The following MCF2L2 variants were observed in gnomAD, a reference collection of about 807,000 sequenced individuals.
MCF2L2 encodes probable guanine nucleotide exchange factor MCF2L2.
In MCF2L2, 102 loss-of-function variants were observed where a neutral mutation model predicts 150.2. That is an observed-to-expected ratio of 0.68 (90% CI 0.58 to 0.80). MCF2L2 has a LOEUF of 0.80. MCF2L2 is among the 30% of genes least tolerant of loss of function. The pLI is 0.00. For missense variants in MCF2L2, 1,256 were observed against 1,372.8 expected, an observed-to-expected ratio of 0.91 and a Z score of 1.34; for synonymous variants, 465 against 491.3, an observed-to-expected ratio of 0.95 and a Z score of 0.71.
chr3:183,303,780 C>A (rs1728969572), intron 10 of MCF2L2, among the ~76,000 whole-genome samples: 1 of 152,224 alleles, frequency 6.6e-6, no homozygotes, highest in African/African-American at 2.4e-5. Context: ...TCCAACATAT[C>A]TTATTGTGTC....
intron 15 of MCF2L2, among the ~76,000 whole-genome samples, chr3:183,275,359 A>G (rs1727103424): frequency 6.6e-6 from 1 of 152,220 alleles, no homozygotes; most frequent in Admixed American, 6.5e-5. Flanking sequence ...AAAAAGGAAT[A>G]AGGAAATACA....
At chr3:183,345,609 C>CA (rs1393652013) in intron 3 of MCF2L2, among the ~76,000 whole-genome samples, 29 of 152,000 alleles carry the variant, frequency 1.9e-4, no homozygotes, top group African/African-American at 6.8e-4. Flanking sequence ...AAGAACCCTT[C>CA]AAAAAATCAA....
intron 10 of MCF2L2, among the ~76,000 whole-genome samples, chr3:183,306,878 C>G (rs149440517): frequency 1.3e-5 from 2 of 152,364 alleles, no homozygotes; most frequent in African/African-American, 4.8e-5. Context: ...GGTTCCTCCA[C>G]CCTGTCCTGG....
chr3:183,231,492 T>C (rs904641594), intron 15 of MCF2L2, among the ~76,000 whole-genome samples: 3 of 152,032 alleles, frequency 2.0e-5, no homozygotes, highest in Admixed American at 2.0e-4. Context: ...TCTTGCCCTG[T>C]TGCCCAGGAA....
In MCF2L2 at chr3:183,395,903, G is replaced by A. The variant is rs562019883; in HGVS notation, c.77-6124C>T. On this transcript the variant is annotated intron_variant, in intron 1 of 29. Transcript: ENST00000328913. ...ACTGCACTCCAGCCTGGGCAACAGCGCAAGACATCGTCTCAAAAAAAAAAA... is the reference window on the plus strand; with the variant it reads ...ACTGCACTCCAGCCTGGGCAACAGCACAAGACATCGTCTCAAAAAAAAAAA... Among the ~76,000 whole-genome samples the A allele has an allele frequency of 2.1e-4, 26 of 123,736 alleles. No homozygotes were observed. In the South Asian group the frequency reaches 2.3e-3, roughly 11 times the overall value. The allele number at this position is 123,736 out of a possible 152,430, so 81.2% of individuals were successfully genotyped here.
intron 3 of MCF2L2, among the ~76,000 whole-genome samples, chr3:183,352,907 G>A (rs1440892147): frequency 2.6e-5 from 4 of 152,148 alleles, no homozygotes; most frequent in Admixed American, 2.0e-4. Context: ...TGAAATATTT[G>A]TAGGCAAAAT....
At chr3:183,342,743 T>C (rs1267554489) in intron 3 of MCF2L2, among the ~76,000 whole-genome samples, 2 of 152,060 alleles carry the variant, frequency 1.3e-5, no homozygotes, top group Admixed American at 1.3e-4. Flanking sequence ...ATAAGCACTA[T>C]TATTCTTTCT....
intron 1 of MCF2L2, among the ~76,000 whole-genome samples, chr3:183,393,310 C>T (rs1714268899): frequency 6.6e-6 from 1 of 151,726 alleles, no homozygotes. Context: ...TCTCCTGCCT[C>T]AGCCTCCTGA....
At chr3:183,225,180 G>A (rs984387704) in intron 18 of MCF2L2, 1 of 152,228 alleles carries the variant, frequency 6.6e-6, no homozygotes, top group African/African-American at 2.4e-5. Context: ...TTGCTATAGT[G>A]GATGACTTCC....
rs780183264 is a variant in MCF2L2 at position 183,270,433 on chromosome 3, A to G, written c.1862+6439T>C. ...ATTGAGTACCTTCAAAGTTTAGAAC[A>G]AATTGGTGTTCAAGACTTTTGGATT... On this transcript the variant is annotated intron_variant, in intron 15 of 29. Coordinates refer to ENST00000328913, the MANE Select transcript of MCF2L2 (RefSeq NM_015078.4). This position sits in a 1 kb window ranked among gnomAD's most constrained non-coding sequence, Gnocchi z 4.5. 6.2e-7 allele frequency: 1 copy of G among 1,614,208 alleles called. No individual in the cohort carries two copies. The highest frequency in any genetic ancestry group is 8.5e-7 in the Non-Finnish European group (1 of 1,180,040).
At chr3:183,282,321 G>A (rs1246192236) in intron 14 of MCF2L2, among the ~76,000 whole-genome samples, 1 of 151,952 alleles carries the variant, frequency 6.6e-6, no homozygotes, top group South Asian at 2.1e-4. Context: ...TGGGACTACA[G>A]GCACCCGCCA....
rs959811292 is a variant in MCF2L2 at position 183,229,789 on chromosome 3, G to C, written c.1930-8C>G. On this transcript the variant is annotated splice_polypyrimidine_tract_variant and splice_region_variant and intron_variant, in intron 16 of 29. Coordinates refer to ENST00000328913, the MANE Select transcript of MCF2L2 (RefSeq NM_015078.4). ...CATTGGAGTGATATATCCCTGCAGAGGTGCAAACAAGGTAGGTGTTACAAA... is the reference window on the plus strand; with the variant it reads ...CATTGGAGTGATATATCCCTGCAGACGTGCAAACAAGGTAGGTGTTACAAA... 2 of 1,282,944 alleles carry C rather than the reference G, an allele frequency of 1.6e-6. No individual in the cohort carries two copies. Among genetic ancestry groups the C allele is most frequent in the Admixed American group, 1.9e-5 (1 of 53,776 alleles). The allele number at this position is 1,282,944 out of a possible 1,614,324, so 79.5% of individuals were successfully genotyped here.
intron 1 of MCF2L2, among the ~76,000 whole-genome samples, chr3:183,415,491 G>A (rs1327546332): frequency 3.3e-5 from 5 of 152,030 alleles, no homozygotes; most frequent in African/African-American, 1.2e-4. Flanking sequence ...CCGGCCAATA[G>A]TTGAATTTTC....
At chr3:183,255,896 CTTTT>C (rs1393679573) in intron 15 of MCF2L2, among the ~76,000 whole-genome samples, 22 of 151,874 alleles carry the variant, frequency 1.4e-4, no homozygotes, top group Middle Eastern at 3.4e-3. Context: ...AATGGGTCAT[CTTTT>C]AAAATGGGTC....
chr3:183,382,515 A>G (rs1488847711), intron 2 of MCF2L2, among the ~76,000 whole-genome samples: 1 of 152,212 alleles, frequency 6.6e-6, no homozygotes, highest in Non-Finnish European at 1.5e-5. Flanking sequence ...ATTAGTCTTA[A>G]GAGGCAGAAG....
At chr3:183,427,774 G>A in intron 1 of MCF2L2, 128 bp downstream of exon 1, 1 of 798,536 alleles carries the variant, frequency 1.3e-6, no homozygotes, top group South Asian at 1.5e-5. Flanking sequence ...GCGAGGCCCA[G>A]ATGCCGGGCA....
intron 1 of MCF2L2, 87 bp from the exon 2 acceptor site, chr3:183,389,866 T>C (rs544037444): frequency 7.9e-5 from 84 of 1,069,408 alleles, no homozygotes; most frequent in Non-Finnish European, 1.0e-4. Context: ...AGTTGTACTA[T>C]TGGGAAATCT....
intron 1 of MCF2L2, among the ~76,000 whole-genome samples, chr3:183,423,632 G>GTTTTTTTTT (rs34400256): frequency 1.5e-4 from 14 of 92,042 alleles, no homozygotes; most frequent in South Asian, 4.2e-4. Context: ...AATTTTATTT[G>GTTTTTTTTT]TTTTTTTTTT....
intron 25 of MCF2L2, among the ~76,000 whole-genome samples, chr3:183,200,778 T>C (rs1722251018): frequency 6.6e-6 from 1 of 152,236 alleles, no homozygotes; most frequent in South Asian, 2.1e-4. Flanking sequence ...AAGTCTTTAA[T>C]CCATCTTGAA....
Sources: gnomAD v4.1 joint callset for allele counts (sites outside exome capture counted in the v4.1 genomes callset) on GRCh38, gnomAD v4.1.1 for gene constraint, Gnocchi (gnomAD v3.1) non-coding constraint, MANE v1.5 for transcripts, NCBI Gene and HGNC (gene_info 2026-07-23, HGNC 2026-07-21) for gene names.